ATP8A1: variants seen among roughly 807,000 people sequenced by gnomAD.
The protein encoded by ATP8A1 is phospholipid-transporting ATPase IA.
ATP8A1 carries 90 observed loss-of-function variants against 177.7 expected under a neutral mutation model. That is an observed-to-expected ratio of 0.51 (90% CI 0.43 to 0.60). The LOEUF (loss-of-function observed/expected upper bound fraction) is 0.60, where lower values mean the gene tolerates loss of function less well. Among genes scored for constraint, ATP8A1 ranks in the 20% least tolerant of loss-of-function variants. The pLI is 0.00. For synonymous variants in ATP8A1, 493 were observed against 485.9 expected (o/e 1.01, Z -0.19); for missense variants, 1,072 against 1,392.8 (o/e 0.77, Z 3.67).
At chr4:42,501,248 A>G (rs994485796) in intron 24 of ATP8A1, among the ~76,000 whole-genome samples, 2 of 152,272 alleles carry the variant, frequency 1.3e-5, no homozygotes, top group African/African-American at 4.8e-5. Context: ...AACAACTTAC[A>G]AGCTACTGAA....
At chr4:42,507,798 A>AAAAACAAAAC (rs1724587765) in intron 22 of ATP8A1, among the ~76,000 whole-genome samples, 2 of 124,742 alleles carry the variant, frequency 1.6e-5, no homozygotes, top group Non-Finnish European at 3.5e-5. Context: ...AAAAAAAAAA[A>AAAAACAAAAC]AAAAAAAAAA....
intron 1 of ATP8A1, among the ~76,000 whole-genome samples, chr4:42,649,637 C>T (rs1740888733): frequency 1.3e-5 from 2 of 152,092 alleles, no homozygotes; most frequent in African/African-American, 2.4e-5. Flanking sequence ...CAGAGTTATC[C>T]ATTCATTCAA....
intron 15 of ATP8A1, among the ~76,000 whole-genome samples, chr4:42,563,519 C>T (rs541531305): frequency 1.6e-4 from 24 of 152,248 alleles, no homozygotes; most frequent in South Asian, 8.3e-4. Context: ...GCATAAGTAA[C>T]GAGGAGCCGA....
chr4:42,511,690 G>A (rs1725016824), intron 22 of ATP8A1, among the ~76,000 whole-genome samples: 1 of 152,080 alleles, frequency 6.6e-6, no homozygotes, highest in African/African-American at 2.4e-5. Flanking sequence ...CATGTAGTTT[G>A]GTAAAATGTA....
intron 25 of ATP8A1, among the ~76,000 whole-genome samples, chr4:42,475,665 G>C (rs1560367307): frequency 1.3e-5 from 2 of 152,026 alleles, no homozygotes; most frequent in African/African-American, 2.4e-5. Context: ...ACAAACATTT[G>C]AATAATAGGT....
At chr4:42,534,332 TCA>T in intron 20 of ATP8A1, among the ~76,000 whole-genome samples, 1 of 151,674 alleles carries the variant, frequency 6.6e-6, no homozygotes, top group Non-Finnish European at 1.5e-5. Context: ...TAAAAAACAA[TCA>T]CAACCTCTGG....
chr4:42,624,561 G>T lies in ATP8A1; in HGVS notation c.338C>A (p.Ala113Asp). 6.7e-7 allele frequency: 1 copy of T among 1,491,308 alleles called. No homozygotes were observed. Among genetic ancestry groups the T allele is most frequent in the Non-Finnish European group, 9.0e-7 (1 of 1,116,708 alleles). The allele number at this position is 1,491,308 out of a possible 1,614,324, so 92.4% of individuals were successfully genotyped here. ...VPLLFILAVA[A>D]IKEIIEDIKR... Reference sequence around the variant, plus strand: ...AATATCTTCTATTATCTCTTTGATAGCTGCCACAGCTAAAATAAATAAGAG... The same window carrying T: ...AATATCTTCTATTATCTCTTTGATATCTGCCACAGCTAAAATAAATAAGAG... Residue 113 changes from alanine (A) to aspartate (D), a missense_variant, in exon 4 of 37, where the codon GCT becomes GAT. Transcript: ENST00000381668.
intron 15 of ATP8A1, among the ~76,000 whole-genome samples, chr4:42,564,951 C>T (rs2109303710): frequency 6.6e-6 from 1 of 152,194 alleles, no homozygotes; most frequent in Non-Finnish European, 1.5e-5. Flanking sequence ...GTGCTGTTCT[C>T]GTGACAGTGA....
intron 6 of ATP8A1, among the ~76,000 whole-genome samples, chr4:42,591,857 AAC>A (rs1237363767): frequency 6.6e-6 from 1 of 152,148 alleles, no homozygotes; most frequent in Non-Finnish European, 1.5e-5. Flanking sequence ...AAATATTATA[AAC>A]AGTTGTTTAC....
Position 42,581,708 on chromosome 4 carries a change from C to T in ATP8A1, c.747G>A (p.Gln249=). 2 of 1,614,080 alleles carry T rather than the reference C, an allele frequency of 1.2e-6. No homozygotes were observed. Among genetic ancestry groups the T allele is most frequent in the Non-Finnish European group, 1.7e-6 (2 of 1,179,918 alleles). ...GHGTVPLGAD[Q]ILLRGAQLRN... ...TCAACTGAGCTCCTCGAAGAAGAAT[C>T]TGATCTGCTCCCAGTGGAACGGTGC... is the stretch of plus-strand genomic sequence containing the variant. The change falls in exon 10 of 37, where the codon CAG becomes CAA. Residue 249 remains glutamine, a synonymous_variant. Transcript: ENST00000381668.
intron 33 of ATP8A1, among the ~76,000 whole-genome samples, chr4:42,425,618 G>C (rs1714520006): frequency 6.6e-6 from 1 of 152,038 alleles, no homozygotes; most frequent in African/African-American, 2.4e-5. Context: ...GTATAAGAAA[G>C]CTCCCCCTCA....
intron 11 of ATP8A1, among the ~76,000 whole-genome samples, chr4:42,579,525 T>C (rs928883236): frequency 2.7e-5 from 4 of 150,926 alleles, no homozygotes; most frequent in African/African-American, 9.7e-5. Context: ...GTTAAAAATA[T>C]TTTTAAGGAA....
chr4:42,594,511 A>G, intron 6 of ATP8A1: 1 of 586,478 alleles, frequency 1.7e-6, no homozygotes, highest in South Asian at 2.3e-5. Flanking sequence ...AAAATTATCT[A>G]GGAGTGAGAC....
chr4:42,413,089 T>C (rs924481899), intron 36 of ATP8A1, 76 bp from the exon 37 acceptor site: 17 of 1,202,758 alleles, frequency 1.4e-5, no homozygotes, highest in Non-Finnish European at 2.0e-5. Context: ...TGGGTATTCA[T>C]TTTCTAGCCT....
intron 19 of ATP8A1, among the ~76,000 whole-genome samples, chr4:42,547,274 C>T (rs927848877): frequency 2.0e-5 from 3 of 152,210 alleles, no homozygotes; most frequent in Non-Finnish European, 4.4e-5. Flanking sequence ...CCTTCTACTG[C>T]CAATCCCTCA....
intron 1 of ATP8A1, among the ~76,000 whole-genome samples, chr4:42,633,082 C>T (rs1239149693): frequency 6.6e-6 from 1 of 152,128 alleles, no homozygotes; most frequent in East Asian, 1.9e-4. Flanking sequence ...AATCTGCAGC[C>T]AAAACTCAGT....
At chr4:42,466,768 A>C (rs573181044) in intron 25 of ATP8A1, among the ~76,000 whole-genome samples, 1 of 152,332 alleles carries the variant, frequency 6.6e-6, no homozygotes, top group South Asian at 2.1e-4. Context: ...TTTTTCTTCA[A>C]AGCAATTTTC....
In ATP8A1 at chr4:42,411,594, T is replaced by C. The variant is rs1329148080; in HGVS notation, c.*1322A>G. On this transcript the variant is annotated 3_prime_UTR_variant, in exon 37 of 37. Coordinates refer to ENST00000381668, the MANE Select transcript of ATP8A1 (RefSeq NM_006095.2). The stretch of plus-strand genomic sequence containing the variant: ...CCTTCATTTACTGTTGGTAGCAAAA[T>C]AGCCATTTTCAGATGTCTTGTAAAT... The C allele has an allele frequency of 6.6e-6, 1 of 152,220 alleles. No individual in the cohort carries two copies. The highest frequency in any genetic ancestry group is 1.5e-5 in the Non-Finnish European group (1 of 68,036). 9.4% of individuals were successfully genotyped at this position (152,220 alleles called of 1,614,324 possible). A position where few individuals can be genotyped will look rare whatever the true frequency, so the allele number is the denominator to read the frequency against.
chr4:42,553,111 T>A (rs1356718289), intron 16 of ATP8A1, among the ~76,000 whole-genome samples: 3 of 152,238 alleles, frequency 2.0e-5, no homozygotes, highest in African/African-American at 7.2e-5. Context: ...ATGTGTTTTT[T>A]AATTCAAATT....
Sources: gnomAD v4.1 joint callset for allele counts (sites outside exome capture counted in the v4.1 genomes callset) on GRCh38, gnomAD v4.1.1 for gene constraint, MANE v1.5 for transcripts, NCBI Gene and HGNC (gene_info 2026-07-23, HGNC 2026-07-21) for gene names.